The following FAM169A variants were observed in gnomAD, a reference collection of about 807,000 sequenced individuals.
FAM169A encodes the protein soluble lamin-associated protein of 75 kDa.
FAM169A carries 24 observed loss-of-function variants against 75.7 expected under a neutral mutation model. The observed-to-expected ratio is 0.32, with a 90% CI of 0.23 to 0.45. FAM169A has a LOEUF of 0.45. Ranked by LOEUF, FAM169A falls within the 20% of genes least tolerant of loss-of-function variation. FAM169A has a pLI of 1.00. For missense variants in FAM169A, 673 were observed against 784.0 expected (o/e 0.86, Z 1.69); for synonymous variants, 271 against 271.0 (o/e 1.00, Z 0.00).
At chr5:74,845,800 TA>T (rs1338919614) in intron 1 of FAM169A, among the ~76,000 whole-genome samples, 23 of 152,286 alleles carry the variant, frequency 1.5e-4, no homozygotes, top group African/African-American at 5.5e-4. Flanking sequence ...CTTATGCAAG[TA>T]AGATGTTATA....
rs1196579993 is a variant in FAM169A at position 74,866,204 on chromosome 5, AG to A, written c.-44del. On this transcript the variant is annotated 5_prime_UTR_variant, in exon 1 of 13. Coordinates refer to ENST00000687041, the MANE Select transcript of FAM169A (RefSeq NM_001376049.1). ...GGGAGCCGCTGGAAGAGCCCGGGAA[AG>A]GAGGCGGAGCCGCGCGAATGAATGG... 2.0e-6 allele frequency: 2 copies of A among 984,172 alleles called. No homozygotes were observed. The highest frequency in any genetic ancestry group is 1.2e-6 in the Non-Finnish European group (1 of 829,574). 61.0% of individuals were successfully genotyped at this position (984,172 alleles called of 1,614,324 possible).
chr5:74,800,570 T>C (rs901737716), intron 10 of FAM169A, among the ~76,000 whole-genome samples: 1 of 152,006 alleles, frequency 6.6e-6, no homozygotes, highest in African/African-American at 2.4e-5. Flanking sequence ...CTTCTCCCAA[T>C]AGCATTGTCA....
At chr5:74,795,975 GA>G in intron 11 of FAM169A, 54 bp downstream of exon 11, 3 of 1,551,360 alleles carry the variant, frequency 1.9e-6, no homozygotes, top group Non-Finnish European at 2.6e-6. Flanking sequence ...ATGTGATTAA[GA>G]AAGGTAAAAT....
intron 1 of FAM169A, among the ~76,000 whole-genome samples, chr5:74,854,502 T>C (rs1296704570): frequency 1.3e-5 from 2 of 152,294 alleles, no homozygotes; most frequent in African/African-American, 2.4e-5. Context: ...GTAGAATACA[T>C]TGTTGACTAT....
chr5:74,816,996 G>C (rs1009138259), intron 5 of FAM169A, among the ~76,000 whole-genome samples: 1 of 151,966 alleles, frequency 6.6e-6, no homozygotes, highest in Non-Finnish European at 1.5e-5. Context: ...TCAATAGCTG[G>C]AGAAAAAGCA....
At chr5:74,804,456 T>G (rs1746754958) in intron 8 of FAM169A, 37 bp downstream of exon 8, 1 of 1,100,746 alleles carries the variant, frequency 9.1e-7, no homozygotes, top group Non-Finnish European at 1.3e-6. Context: ...CACAAAAATT[T>G]TATATACAAC....
chr5:74,861,270 A>C (rs1040996630), intron 1 of FAM169A, among the ~76,000 whole-genome samples: 1 of 152,184 alleles, frequency 6.6e-6, no homozygotes, highest in African/African-American at 2.4e-5. Context: ...TGGTTATTCC[A>C]CTTGCTCTTA....
At chr5:74,833,867 T>G (rs752524807) in intron 5 of FAM169A, among the ~76,000 whole-genome samples, 1 of 152,202 alleles carries the variant, frequency 6.6e-6, no homozygotes, top group Non-Finnish European at 1.5e-5. Flanking sequence ...GCACTATTTT[T>G]TAAGGATAGG....
intron 11 of FAM169A, among the ~76,000 whole-genome samples, chr5:74,792,520 T>G (rs111966634): frequency 0.028 from 3,606 of 128,954 alleles, 142 homozygotes; most frequent in African/African-American, 0.13. Context: ...CTGGCTTCCT[T>G]GCTTCCTTGC....
chr5:74,809,370 G>C (rs1210087440), intron 6 of FAM169A, among the ~76,000 whole-genome samples: 1 of 152,050 alleles, frequency 6.6e-6, no homozygotes, highest in African/African-American at 2.4e-5. Flanking sequence ...CGAGGTGGGC[G>C]GATCACGAGG....
intron 1 of FAM169A, among the ~76,000 whole-genome samples, chr5:74,846,720 G>A (rs1472861865): frequency 1.3e-5 from 2 of 152,070 alleles, no homozygotes; most frequent in African/African-American, 2.4e-5. Context: ...ACACACTATC[G>A]CACCCAGCTA....
At chr5:74,840,031 G>T in intron 3 of FAM169A, 43 bp downstream of exon 3, 1 of 1,014,890 alleles carries the variant, frequency 9.9e-7, no homozygotes. Flanking sequence ...CTAACAGTTT[G>T]GAGAAAAATT....
At chr5:74,851,330 C>T (rs1749435081) in intron 1 of FAM169A, among the ~76,000 whole-genome samples, 1 of 152,116 alleles carries the variant, frequency 6.6e-6, no homozygotes, top group Non-Finnish European at 1.5e-5. Context: ...ATCCTAATTC[C>T]AAGGGAGACA....
chr5:74,833,874 T>A (rs1448053190), intron 5 of FAM169A, among the ~76,000 whole-genome samples: 1 of 152,178 alleles, frequency 6.6e-6, no homozygotes, highest in Non-Finnish European at 1.5e-5. Flanking sequence ...TTTTTAAGGA[T>A]AGGGTATAGC....
At chr5:74,811,382 T>C (rs1747184904) in intron 6 of FAM169A, among the ~76,000 whole-genome samples, 1 of 152,162 alleles carries the variant, frequency 6.6e-6, no homozygotes, top group African/African-American at 2.4e-5. Flanking sequence ...TGTCTTTGCA[T>C]CTCTCCTCAA....
At position 74,778,548 on chromosome 5, in the gene FAM169A, C is replaced by CT. The variant is rs1426671279; in HGVS notation, c.*2911_*2912insA. Reference sequence around the variant, plus strand: ...TGAATGGAAATACCATGAATATAGACACATTTTAAGTAGAAGACTGACGTT... The same window carrying CT: ...TGAATGGAAATACCATGAATATAGACTACATTTTAAGTAGAAGACTGACGTT... On this transcript the variant is annotated 3_prime_UTR_variant, in exon 13 of 13. Coordinates refer to ENST00000687041, the MANE Select transcript of FAM169A (RefSeq NM_001376049.1). 8.5e-5 allele frequency: 13 copies of CT among 152,088 alleles called. No homozygotes were observed. In the East Asian group the frequency reaches 2.3e-3, roughly 27 times the overall value. The allele number at this position is 152,088 out of a possible 1,614,324, so 9.4% of individuals were successfully genotyped here.
At chr5:74,782,155 G>C (rs934390682) in intron 12 of FAM169A, 147 bp from the exon 13 acceptor site, 4 of 631,158 alleles carry the variant, frequency 6.3e-6, no homozygotes, top group Non-Finnish European at 5.4e-6. Flanking sequence ...TTTCTGTTCT[G>C]CTATATGTGT....
chr5:74,815,498 TA>T (rs1747425286), intron 5 of FAM169A, among the ~76,000 whole-genome samples: 1 of 152,150 alleles, frequency 6.6e-6, no homozygotes, highest in Non-Finnish European at 1.5e-5. Flanking sequence ...ACTTAGATCT[TA>T]ATTGCTGACA....
At chr5:74,849,415 G>C (rs1247033025) in intron 1 of FAM169A, among the ~76,000 whole-genome samples, 1 of 151,882 alleles carries the variant, frequency 6.6e-6, no homozygotes, top group East Asian at 1.9e-4. Context: ...GATTCTTACA[G>C]GTTACTGCTA....
Sources: gnomAD v4.1 joint callset for allele counts (sites outside exome capture counted in the v4.1 genomes callset) on GRCh38, gnomAD v4.1.1 for gene constraint, MANE v1.5 for transcripts, NCBI Gene and HGNC (gene_info 2026-07-23, HGNC 2026-07-21) for gene names.